Variants in LDLRAD4 observed in about 807,000 individuals in gnomAD.
LDLRAD4 encodes the protein low-density lipoprotein receptor class A domain-containing protein 4.
LDLRAD4 carries 5 observed loss-of-function variants against 17.0 expected under a neutral mutation model. The observed-to-expected ratio is 0.29, with a 90% CI of 0.15 to 0.62. The LOEUF is 0.62. Among genes scored for constraint, LDLRAD4 ranks in the 20% least tolerant of loss-of-function variants. LDLRAD4 has a pLI of 0.84. For missense variants in LDLRAD4, 340 were observed against 424.7 expected (o/e 0.80, Z 1.75); for synonymous variants, 168 against 171.8 (o/e 0.98, Z 0.17).
At chr18:13,633,196 T>A (rs987978907) in intron 4 of LDLRAD4, among the ~76,000 whole-genome samples, 1 of 152,220 alleles carries the variant, frequency 6.6e-6, no homozygotes, top group African/African-American at 2.4e-5. Flanking sequence ...TCTGTTCAAG[T>A]CAAACTGAAT....
intron 1 of LDLRAD4, among the ~76,000 whole-genome samples, chr18:13,265,326 G>A (rs1018941644): frequency 2.6e-5 from 4 of 152,152 alleles, no homozygotes; most frequent in Non-Finnish European, 5.9e-5. Context: ...TAGCTTTGAA[G>A]GTCAACGCCA....
At chr18:13,581,712 G>T (rs779104977) in intron 3 of LDLRAD4, among the ~76,000 whole-genome samples, 1 of 152,124 alleles carries the variant, frequency 6.6e-6, no homozygotes, top group Non-Finnish European at 1.5e-5. Flanking sequence ...CAAATTGCAA[G>T]CCTGTCTTGG....
At chr18:13,344,961 T>C (rs1305594674) in intron 1 of LDLRAD4, among the ~76,000 whole-genome samples, 3 of 152,248 alleles carry the variant, frequency 2.0e-5, no homozygotes, top group Non-Finnish European at 4.4e-5. Context: ...CAGTTGCTTA[T>C]CAGCTTAAGG....
chr18:13,519,635 T>C (rs530611825), intron 3 of LDLRAD4: 1 of 152,286 alleles, frequency 6.6e-6, no homozygotes, highest in Admixed American at 6.5e-5. Context: ...TGTGGTGGCA[T>C]GCACCTGTAG....
chr18:13,446,899 C>G (rs569702694), intron 3 of LDLRAD4, among the ~76,000 whole-genome samples: 1 of 146,452 alleles, frequency 6.8e-6, no homozygotes, highest in African/African-American at 2.5e-5. Flanking sequence ...GGGCCTGCCT[C>G]GGGGGCCTTC....
At chr18:13,650,234 TCAGA>T (rs1025970764) in exon 6 of LDLRAD4, 5 of 402,300 alleles carry the variant, frequency 1.2e-5, no homozygotes, top group South Asian at 2.5e-4. Flanking sequence ...ACTGCCAGGG[TCAGA>T]CAGTCATTTG....
At chr18:13,579,695 G>A (rs745408183) in intron 3 of LDLRAD4, among the ~76,000 whole-genome samples, 4 of 152,204 alleles carry the variant, frequency 2.6e-5, no homozygotes, top group African/African-American at 4.8e-5. Context: ...TATGTAAATA[G>A]CATTGAAATG....
At chr18:13,561,854 A>G (rs191250965) in intron 3 of LDLRAD4, 1 of 152,234 alleles carries the variant, frequency 6.6e-6, no homozygotes, top group East Asian at 1.9e-4. Flanking sequence ...TGATTGTCAA[A>G]CCCTCCAGTA....
At chr18:13,417,581 C>G (rs1041063630) in intron 2 of LDLRAD4, among the ~76,000 whole-genome samples, 1 of 152,014 alleles carries the variant, frequency 6.6e-6, no homozygotes, top group Non-Finnish European at 1.5e-5. Context: ...TACAGGCGCC[C>G]GCCACCACAC....
intron 4 of LDLRAD4, among the ~76,000 whole-genome samples, chr18:13,636,168 A>T (rs536107169): frequency 1.3e-5 from 2 of 152,292 alleles, no homozygotes; most frequent in Admixed American, 6.5e-5. Flanking sequence ...AGCAAGGCCC[A>T]GCTGTCCCTT....
intron 3 of LDLRAD4, among the ~76,000 whole-genome samples, chr18:13,566,481 G>A (rs956963184): frequency 1.5e-4 from 22 of 151,368 alleles, no homozygotes; most frequent in African/African-American, 5.1e-4. Context: ...TCCTGCCTCA[G>A]CCTCTCGAGT....
rs530292272 is a variant in LDLRAD4 at position 13,381,874 on chromosome 18, A to G, written c.-382-5467A>G. On this transcript the variant is annotated intron_variant, in intron 1 of 5. Transcript: ENST00000359446. ...TGCCGTGCAGCTCTCAAACATGGTC[A>G]TTTTTATTTTTTTTAAATTTTGCAG... is the stretch of plus-strand genomic sequence containing the variant. Among the ~76,000 whole-genome samples, 19 of 152,312 alleles carry G rather than the reference A, an allele frequency of 1.2e-4. 1 individual carries two copies. The South Asian group carries it at 3.5e-3, about 28-fold the overall frequency.
intron 1 of LDLRAD4, among the ~76,000 whole-genome samples, chr18:13,338,669 T>C (rs1256713561): frequency 6.6e-6 from 1 of 152,222 alleles, no homozygotes; most frequent in South Asian, 2.1e-4. Context: ...TGGCCCTCTG[T>C]ATGAAAAAAT....
In LDLRAD4 at chr18:13,562,711, C is replaced by G. The variant is rs766212225; in HGVS notation, c.182-58406C>G. On this transcript the variant is annotated intron_variant, in intron 3 of 5. Coordinates refer to ENST00000359446, the Ensembl canonical transcript of LDLRAD4. ...TCCGTGAGTTCCACTTTTTTAGATG[C>G]AACATGTGAGATTTAAAAAAATATC... Among the ~76,000 whole-genome samples the G allele has an allele frequency of 7.2e-5, 11 of 152,194 alleles. 1 individual carries two copies. The highest frequency in any genetic ancestry group is 4.4e-5 in the Non-Finnish European group (3 of 68,040).
chr18:13,619,786 A>G lies in LDLRAD4; in HGVS notation c.182-1331A>G, dbSNP rs181398040. 2.6e-4 allele frequency among the ~76,000 whole-genome samples: 40 copies of G among 152,150 alleles called. 1 individual carries two copies. Among genetic ancestry groups the G allele is most frequent in the African/African-American group, 7.0e-4 (29 of 41,546 alleles). ...ATGGCTTTGTCCGTGTCCACAGGGAACAGTGATGTTCCCACCAGCCTGGCC... is the reference window on the plus strand; with the variant it reads ...ATGGCTTTGTCCGTGTCCACAGGGAGCAGTGATGTTCCCACCAGCCTGGCC... On this transcript the variant is annotated intron_variant, in intron 3 of 5. Coordinates refer to ENST00000359446, the Ensembl canonical transcript of LDLRAD4.
chr18:13,549,095 C>A (rs1270237209), intron 3 of LDLRAD4, among the ~76,000 whole-genome samples: 2 of 152,140 alleles, frequency 1.3e-5, no homozygotes, highest in Non-Finnish European at 2.9e-5. Flanking sequence ...GTGTGCCTCA[C>A]AAAGTCATAG....
Position 13,441,552 on chromosome 18 carries a change from G to A in LDLRAD4, c.181+3168G>A, listed in dbSNP as rs534429007. Among the ~76,000 whole-genome samples the A allele has an allele frequency of 2.0e-5, 3 of 152,328 alleles. No individual in the cohort carries two copies. The East Asian group carries it at 5.8e-4, about 29-fold the overall frequency. ...CTGAGGGCACTGAGGCTGAAGCGAG[G>A]TGAGACCTTCTGGATTTCCAGATGA... On this transcript the variant is annotated intron_variant, in intron 3 of 5. Transcript: ENST00000359446.
intron 1 of LDLRAD4, among the ~76,000 whole-genome samples, chr18:13,365,926 A>G (rs969921009): frequency 1.3e-5 from 2 of 152,294 alleles, no homozygotes; most frequent in Middle Eastern, 3.4e-3. Flanking sequence ...GGCGCCCGTC[A>G]TCACACCTGG....
intron 3 of LDLRAD4, among the ~76,000 whole-genome samples, chr18:13,586,130 G>C (rs1293684): frequency 1 from 151,666 of 152,224 alleles, 75,557 homozygotes; most frequent in East Asian, 1. Context: ...AACTGAGGGC[G>C]GGGCATGGTG....
Sources: allele counts gnomAD v4.1 joint callset (sites outside exome capture counted in the v4.1 genomes callset), GRCh38; gene constraint gnomAD v4.1.1; transcripts MANE v1.5; gene names NCBI Gene and HGNC (gene_info 2026-07-23, HGNC 2026-07-21).